Variants in ANAPC10 observed in about 807,000 individuals in gnomAD.
ANAPC10 encodes anaphase promoting complex subunit 10.
ANAPC10 carries 12 observed loss-of-function variants against 22.0 expected under a neutral mutation model. The observed-to-expected ratio is 0.55, with a 90% CI of 0.35 to 0.88. The LOEUF (loss-of-function observed/expected upper bound fraction) is 0.88, where lower values mean the gene tolerates loss of function less well. ANAPC10 is among the 40% of genes least tolerant of loss of function. The pLI, the probability that ANAPC10 is intolerant of heterozygous loss-of-function variation, is 0.01. For synonymous variants in ANAPC10, 65 were observed against 69.5 expected, an observed-to-expected ratio of 0.94 and a Z score of 0.32; for missense variants, 188 against 220.9, an observed-to-expected ratio of 0.85 and a Z score of 0.94.
At chr4:145,069,902 T>C (rs1189652340) in intron 3 of ANAPC10, among the ~76,000 whole-genome samples, 1 of 152,176 alleles carries the variant, frequency 6.6e-6, no homozygotes, top group Non-Finnish European at 1.5e-5. Context: ...CTTCTCACTA[T>C]TTTTGTTGTT....
intron 4 of ANAPC10, among the ~76,000 whole-genome samples, chr4:145,003,888 T>C (rs1732955707): frequency 6.6e-6 from 1 of 152,210 alleles, no homozygotes; most frequent in South Asian, 2.1e-4. Context: ...ATGTCATTGG[T>C]AATTTGATAG....
intron 2 of ANAPC10, among the ~76,000 whole-genome samples, chr4:145,083,023 C>G (rs943614581): frequency 6.6e-6 from 1 of 152,106 alleles, no homozygotes; most frequent in African/African-American, 2.4e-5. Flanking sequence ...TGTATTCTTT[C>G]TATTCCCTTT....
chr4:145,040,457 CTTTT>C (rs1211491143), intron 4 of ANAPC10, among the ~76,000 whole-genome samples: 1 of 152,196 alleles, frequency 6.6e-6, no homozygotes, highest in Non-Finnish European at 1.5e-5. Context: ...CTATTGTATG[CTTTT>C]AAGACCTATA....
intron 4 of ANAPC10, among the ~76,000 whole-genome samples, chr4:145,038,164 T>C (rs900857159): frequency 1.1e-4 from 16 of 151,932 alleles, no homozygotes; most frequent in South Asian, 6.2e-4. Context: ...TGAGACCCTA[T>C]CTCTACAAAA....
At chr4:145,049,623 A>G (rs1485568805) in intron 4 of ANAPC10, among the ~76,000 whole-genome samples, 1 of 152,048 alleles carries the variant, frequency 6.6e-6, no homozygotes, top group East Asian at 1.9e-4. Flanking sequence ...TCTGTAGCCC[A>G]TGCTGAAGTG....
chr4:145,096,125 A>C lies in ANAPC10; in HGVS notation c.-12-14T>G. On this transcript the variant is annotated splice_polypyrimidine_tract_variant and intron_variant, in intron 1 of 4. Transcript: ENST00000507656. ...TTTTAAAATATTCTATGTAGAAAAC[A>C]AGAATGCACACATTGTATCAGGAAC... The C allele has an allele frequency of 6.2e-7, 1 of 1,608,258 alleles. No homozygotes were observed. The highest frequency in any genetic ancestry group is 8.5e-7 in the Non-Finnish European group (1 of 1,178,548).
intron 3 of ANAPC10, among the ~76,000 whole-genome samples, chr4:145,069,554 C>A (rs1238722988): frequency 6.6e-6 from 1 of 152,114 alleles, no homozygotes; most frequent in African/African-American, 2.4e-5. Context: ...AGTGGTAAGT[C>A]CTCTTCAAAT....
chr4:145,000,175 T>C (rs946175834), intron 4 of ANAPC10, among the ~76,000 whole-genome samples: 5 of 152,102 alleles, frequency 3.3e-5, no homozygotes, highest in African/African-American at 1.2e-4. Flanking sequence ...CCAAAAGCAG[T>C]GGCAACAAAA....
rs6818317 is a variant in ANAPC10, at chr4:145,029,224, C to T, written c.328-33621G>A. Reference sequence around the variant, plus strand: ...CCATCCCCAGTAGTGGCAACATCCCCTCCCCGACCCACACTGCCATCAGTC... The same window carrying T: ...CCATCCCCAGTAGTGGCAACATCCCTTCCCCGACCCACACTGCCATCAGTC... On this transcript the variant is annotated intron_variant, in intron 4 of 4. Coordinates refer to ENST00000507656, the MANE Select transcript of ANAPC10 (RefSeq NM_001256706.2). Among the ~76,000 whole-genome samples, 667 of 152,250 alleles carry T rather than the reference C, an allele frequency of 4.4e-3. 3 individuals carry two copies. The highest frequency in any genetic ancestry group is 0.015 in the African/African-American group (613 of 41,528).
At chr4:145,017,150 A>T (rs1443059125) in intron 4 of ANAPC10, among the ~76,000 whole-genome samples, 3 of 152,242 alleles carry the variant, frequency 2.0e-5, no homozygotes, top group Non-Finnish European at 4.4e-5. Flanking sequence ...GAGCTTCTGC[A>T]CAGCAAAAGA....
At chr4:145,074,936 C>T (rs188680569) in intron 3 of ANAPC10, among the ~76,000 whole-genome samples, 250 of 152,220 alleles carry the variant, frequency 1.6e-3, no homozygotes, top group Non-Finnish European at 2.7e-3. Context: ...CTTCAAATTA[C>T]GGAAAGAAAG....
upstream of ANAPC10, chr4:145,098,501 C>T (rs903431516): frequency 3.9e-5 from 6 of 152,352 alleles, no homozygotes; most frequent in African/African-American, 1.4e-4. Context: ...CTCCGAGAGC[C>T]TTTGGTTAGG....
intron 4 of ANAPC10, among the ~76,000 whole-genome samples, chr4:145,003,392 C>T (rs1296067635): frequency 6.6e-6 from 1 of 152,094 alleles, no homozygotes; most frequent in Non-Finnish European, 1.5e-5. Context: ...TGGGTATATA[C>T]CGAATAATGG....
At chr4:144,998,265 C>A (rs980162716) in intron 4 of ANAPC10, among the ~76,000 whole-genome samples, 4 of 152,188 alleles carry the variant, frequency 2.6e-5, no homozygotes, top group African/African-American at 9.7e-5. Flanking sequence ...CACCCCAAAT[C>A]AACAGAATAT....
At chr4:145,016,994 G>A (rs1196809841) in intron 4 of ANAPC10, among the ~76,000 whole-genome samples, 1 of 152,132 alleles carries the variant, frequency 6.6e-6, no homozygotes, top group Non-Finnish European at 1.5e-5. Flanking sequence ...AGACTTAAAT[G>A]TTAGACCTAA....
At chr4:145,010,015 T>C (rs1407067935) in intron 4 of ANAPC10, among the ~76,000 whole-genome samples, 1 of 152,106 alleles carries the variant, frequency 6.6e-6, no homozygotes, top group Non-Finnish European at 1.5e-5. Context: ...GGGTGAAGGA[T>C]ATGAACAGAC....
At chr4:145,060,200 G>A (rs965234765) in intron 4 of ANAPC10, among the ~76,000 whole-genome samples, 5 of 152,010 alleles carry the variant, frequency 3.3e-5, no homozygotes, top group Non-Finnish European at 5.9e-5. Flanking sequence ...AAAGTAGAAC[G>A]AGAAGCATAA....
intron 4 of ANAPC10, among the ~76,000 whole-genome samples, chr4:145,039,891 G>GC (rs1739244154): frequency 6.6e-6 from 1 of 152,094 alleles, no homozygotes. Context: ...ACTGTACTCA[G>GC]CCAAGGTACA....
intron 4 of ANAPC10, among the ~76,000 whole-genome samples, chr4:145,060,702 T>C (rs1201295866): frequency 1.3e-5 from 2 of 152,080 alleles, no homozygotes; most frequent in Non-Finnish European, 2.9e-5. Context: ...ATCAGTACTA[T>C]AACTAATGAA....
Sources: gnomAD v4.1 joint callset for allele counts (sites outside exome capture counted in the v4.1 genomes callset) on GRCh38, gnomAD v4.1.1 for gene constraint, MANE v1.5 for transcripts, NCBI Gene and HGNC (gene_info 2026-07-23, HGNC 2026-07-21) for gene names.